PREX2: variants seen among roughly 807,000 people sequenced by gnomAD.
The protein encoded by PREX2 is phosphatidylinositol 3,4,5-trisphosphate-dependent Rac exchanger 2 protein.
A neutral mutation model predicts 203.2 loss-of-function variants in PREX2; 107 were observed. The observed-to-expected ratio is 0.53, with a 90% CI of 0.45 to 0.62. The LOEUF is 0.62. Ranked by LOEUF, PREX2 falls within the 20% of genes least tolerant of loss-of-function variation. PREX2 has a pLI of 0.00. For synonymous variants in PREX2, 672 were observed against 663.6 expected (o/e 1.01, Z -0.19); for missense variants, 1,777 against 1,955.9 (o/e 0.91, Z 1.72).
At chr8:68,167,114 G>A (rs1443756162) in intron 35 of PREX2, among the ~76,000 whole-genome samples, 3 of 152,130 alleles carry the variant, frequency 2.0e-5, no homozygotes, top group South Asian at 4.1e-4. Flanking sequence ...AACCAGAGTT[G>A]TTTGAATTTA....
At chr8:68,016,228 A>C (rs1278182188) in intron 1 of PREX2, among the ~76,000 whole-genome samples, 2 of 152,156 alleles carry the variant, frequency 1.3e-5, no homozygotes, top group East Asian at 3.8e-4. Flanking sequence ...AATGCCGCCT[A>C]CTTTTTTTTC....
chr8:68,185,422 T>C (rs971698966), intron 35 of PREX2, among the ~76,000 whole-genome samples: 2 of 152,188 alleles, frequency 1.3e-5, no homozygotes, highest in Non-Finnish European at 2.9e-5. Flanking sequence ...CCACTTGAAA[T>C]ACAGCTTTCC....
At chr8:68,171,563 T>A (rs776259778) in intron 35 of PREX2, among the ~76,000 whole-genome samples, 1 of 152,104 alleles carries the variant, frequency 6.6e-6, no homozygotes, top group Non-Finnish European at 1.5e-5. Context: ...TTCATGTCTT[T>A]AAGTACAGCT....
chr8:68,172,488 T>A (rs1235442802), intron 35 of PREX2, among the ~76,000 whole-genome samples: 1 of 152,180 alleles, frequency 6.6e-6, no homozygotes, highest in African/African-American at 2.4e-5. Context: ...TTAAACAAAA[T>A]TTTAACTAAT....
rs560894603 is a variant in PREX2 at position 68,208,429 on chromosome 8, G to A, written c.4605-9187G>A. On this transcript the variant is annotated intron_variant, in intron 37 of 39. Coordinates refer to ENST00000288368, the MANE Select transcript of PREX2 (RefSeq NM_024870.4). ...CCACTCTGGCAAGGTTTTAAAAAAT[G>A]GGAAGGTTGAGGCCACTGAAAAAAA... 5.3e-5 allele frequency among the ~76,000 whole-genome samples: 8 copies of A among 152,080 alleles called. No homozygotes were observed. The South Asian group carries it at 1.7e-3, about 32-fold the overall frequency.
chr8:68,109,327 A>G (rs1047332519), intron 24 of PREX2, 89 bp from the exon 25 acceptor site: 5 of 940,172 alleles, frequency 5.3e-6, no homozygotes, highest in Admixed American at 5.4e-5. Context: ...TTATCTGTCA[A>G]TTAAAAAATA....
intron 34 of PREX2, among the ~76,000 whole-genome samples, chr8:68,153,299 A>G (rs763762149): frequency 5.9e-5 from 9 of 152,310 alleles, no homozygotes; most frequent in South Asian, 2.1e-4. Flanking sequence ...CAGAGATTCT[A>G]TGTTTTTCCT....
intron 23 of PREX2, among the ~76,000 whole-genome samples, chr8:68,101,021 A>G (rs80249574): frequency 0.024 from 3,592 of 152,298 alleles, 123 homozygotes; most frequent in African/African-American, 0.073. Context: ...ACATGCTAAA[A>G]CAAGTTTAAA....
intron 14 of PREX2, 27 bp from the exon 15 acceptor site, chr8:68,077,370 C>G: frequency 6.3e-7 from 1 of 1,580,860 alleles, no homozygotes; most frequent in Non-Finnish European, 8.7e-7. Context: ...TGCCTATTAA[C>G]TCCCACAGTG....
intron 1 of PREX2, among the ~76,000 whole-genome samples, chr8:67,967,047 A>T (rs1805797471): frequency 6.6e-6 from 1 of 152,232 alleles, no homozygotes. Flanking sequence ...CATTTTATGT[A>T]AGATGAAAAA....
At chr8:67,980,569 T>C (rs1254356930) in intron 1 of PREX2, among the ~76,000 whole-genome samples, 1 of 152,234 alleles carries the variant, frequency 6.6e-6, no homozygotes, top group Non-Finnish European at 1.5e-5. Context: ...ATTAGAGTAC[T>C]GCAGAACATT....
chr8:68,050,519 C>T lies in PREX2; in HGVS notation c.944-2578C>T, dbSNP rs912445732. Among the ~76,000 whole-genome samples, 7 of 152,304 alleles carry T rather than the reference C, an allele frequency of 4.6e-5. No individual in the cohort carries two copies. In the South Asian group the frequency reaches 6.2e-4, roughly 14 times the overall value. On this transcript the variant is annotated intron_variant, in intron 8 of 39. Transcript: ENST00000288368. ...CAAAGGGGAAATTCTTCCCCGTTAT[C>T]CAATCTCCTCCCACCAGGCTCCACC...
At chr8:68,146,469 G>A (rs1585827282) in intron 34 of PREX2, 117 bp downstream of exon 34, 3 of 919,490 alleles carry the variant, frequency 3.3e-6, no homozygotes, top group Non-Finnish European at 4.8e-6. Context: ...ATATTATTTA[G>A]CCAATATATT....
intron 35 of PREX2, among the ~76,000 whole-genome samples, chr8:68,172,526 A>G (rs1047770978): frequency 6.6e-6 from 1 of 152,328 alleles, no homozygotes; most frequent in Non-Finnish European, 1.5e-5. Context: ...GAAACAAATT[A>G]TGTAGGGGAA....
At chr8:68,224,304 A>G (rs1163672821) in intron 38 of PREX2, among the ~76,000 whole-genome samples, 1 of 152,214 alleles carries the variant, frequency 6.6e-6, no homozygotes, top group Non-Finnish European at 1.5e-5. Context: ...GGCATGAGCC[A>G]CTGTGCCTGG....
chr8:68,187,894 G>T (rs1406882150), intron 35 of PREX2, among the ~76,000 whole-genome samples: 2 of 152,236 alleles, frequency 1.3e-5, no homozygotes, highest in African/African-American at 4.8e-5. Flanking sequence ...CTGGACTCTG[G>T]AGGTGGACAG....
intron 14 of PREX2, among the ~76,000 whole-genome samples, chr8:68,072,781 G>A (rs6986705): frequency 0.53 from 79,826 of 152,028 alleles, 21,013 homozygotes; most frequent in South Asian, 0.56. Context: ...TTTCTCAAAA[G>A]GAAGATGTTC....
At chr8:67,961,011 C>T (rs1805620208) in intron 1 of PREX2, among the ~76,000 whole-genome samples, 1 of 150,218 alleles carries the variant, frequency 6.7e-6, no homozygotes, top group Non-Finnish European at 1.5e-5. Context: ...ATTTTTTAAA[C>T]CATGGTGCAA....
intron 35 of PREX2, chr8:68,177,072 A>G (rs1222730129): frequency 2.6e-5 from 4 of 153,080 alleles, no homozygotes; most frequent in Non-Finnish European, 5.9e-5. Context: ...GCTGAGAACA[A>G]TGATACAAAA....
Sources: allele counts gnomAD v4.1 joint callset (sites outside exome capture counted in the v4.1 genomes callset), GRCh38; gene constraint gnomAD v4.1.1; transcripts MANE v1.5; gene names NCBI Gene and HGNC (gene_info 2026-07-23, HGNC 2026-07-21).